The following WWC1 variants were observed in gnomAD, a reference collection of about 807,000 sequenced individuals.
WWC1 encodes the protein protein KIBRA.
WWC1 carries 55 observed loss-of-function variants against 138.4 expected under a neutral mutation model. The ratio of observed to expected loss-of-function variants is 0.40; its 90% CI spans 0.32 to 0.50. The LOEUF is 0.50. WWC1 is among the 20% of genes least tolerant of loss of function. The pLI, the probability that WWC1 is intolerant of heterozygous loss-of-function variation, is 0.72. For synonymous variants in WWC1, 524 were observed against 564.9 expected, an observed-to-expected ratio of 0.93 and a Z score of 1.03; for missense variants, 1,226 against 1,420.4, an observed-to-expected ratio of 0.86 and a Z score of 2.20.
intron 1 of WWC1, among the ~76,000 whole-genome samples, chr5:168,358,847 T>C (rs988253908): frequency 4.6e-5 from 7 of 152,118 alleles, no homozygotes; most frequent in African/African-American, 1.7e-4. Context: ...CTCCTCATCA[T>C]AATCAGTATA....
chr5:168,321,415 T>C (rs1772067873), intron 1 of WWC1, among the ~76,000 whole-genome samples: 1 of 152,140 alleles, frequency 6.6e-6, no homozygotes, highest in Non-Finnish European at 1.5e-5. Context: ...TTTTTCTGCC[T>C]TCATCTGGTT....
At chr5:168,396,222 A>C (rs1778891313) in intron 3 of WWC1, among the ~76,000 whole-genome samples, 1 of 152,204 alleles carries the variant, frequency 6.6e-6, no homozygotes, top group South Asian at 2.1e-4. Context: ...TGTCTCTGCT[A>C]AAAATACAAA....
At chr5:168,302,592 G>A (rs905506555) in intron 1 of WWC1, among the ~76,000 whole-genome samples, 1 of 152,052 alleles carries the variant, frequency 6.6e-6, no homozygotes, top group African/African-American at 2.4e-5. Flanking sequence ...TGGTGAGGTG[G>A]GCTAATTGCT....
rs1037191713 is a variant in WWC1 at position 168,423,934 on chromosome 5, A to T, written c.1676A>T (p.Asp559Val). 6.2e-7 allele frequency: 1 copy of T among 1,613,712 alleles called. No individual in the cohort carries two copies. The highest frequency in any genetic ancestry group is 8.5e-7 in the Non-Finnish European group (1 of 1,179,956). ...PLMADPLLAG[D>V]AFLNSLEFED... The stretch of plus-strand genomic sequence containing the variant: ...ATGGCTGACCCCCTCCTGGCTGGTG[A>T]TGCCTTCCTCAACTCCTTGGAGTTT... Residue 559 changes from aspartate (D) to valine (V), a missense_variant, in exon 11 of 23, where the codon GAT (aspartate) becomes GTT (valine). Around this residue, in one of 3 missense-constraint regions of WWC1, gnomAD observed 1,016 missense variants for 1,153.9 expected, o/e 0.88. Coordinates refer to ENST00000265293, the MANE Select transcript of WWC1 (RefSeq NM_015238.3).
chr5:168,310,837 A>AAAAAAAAAAAAAAC (rs371515656), intron 1 of WWC1, among the ~76,000 whole-genome samples: 73 of 120,262 alleles, frequency 6.1e-4, no homozygotes, highest in African/African-American at 3.9e-4. Context: ...GACCCTGTCT[A>AAAAAAAAAAAAAAC]AAAAAAAAGC....
chr5:168,447,574 C>G (rs897789073), intron 17 of WWC1, among the ~76,000 whole-genome samples: 2 of 152,010 alleles, frequency 1.3e-5, no homozygotes, highest in African/African-American at 2.4e-5. Context: ...AATATAAAAA[C>G]CATTCATGGC....
rs764247080 is a variant in WWC1, at chr5:168,470,827, AAATAAT to A, written c.*1819_*1824del. The A allele has an allele frequency of 6.6e-6, 1 of 152,168 alleles. No individual in the cohort carries two copies. The highest frequency in any genetic ancestry group is 1.5e-5 in the Non-Finnish European group (1 of 68,082). 9.4% of individuals were successfully genotyped at this position (152,168 alleles called of 1,614,324 possible). The stretch of plus-strand genomic sequence containing the variant: ...ACAAGAGCGTAACTCCATCTCAAAA[AAATAAT>A]AATAATAAAAATAAAATGCAGACTG... On this transcript the variant is annotated 3_prime_UTR_variant, in exon 23 of 23. Transcript: ENST00000265293.
At chr5:168,384,721 T>TC (rs1777908906) in intron 2 of WWC1, among the ~76,000 whole-genome samples, 1 of 137,268 alleles carries the variant, frequency 7.3e-6, no homozygotes, top group African/African-American at 2.8e-5. Flanking sequence ...TTCTTTTTTT[T>TC]TTTTTTTTTT....
chr5:168,406,872 G>A (rs918188520), intron 6 of WWC1, among the ~76,000 whole-genome samples: 5 of 152,154 alleles, frequency 3.3e-5, no homozygotes, highest in African/African-American at 1.2e-4. Context: ...AACCCAGGAG[G>A]TGGAGCTTGC....
intron 1 of WWC1, among the ~76,000 whole-genome samples, chr5:168,339,899 C>CTCTCTCTTTCTCTCTCTCTCTCTCTT (rs1179468245): frequency 1.2e-5 from 1 of 82,526 alleles, no homozygotes; most frequent in African/African-American, 4.8e-5. Context: ...CTCTCTGTCT[C>CTCTCTCTTTCTCTCTCTCTCTCTCTT]TCTCTCTTTC....
chr5:168,410,995 C>T (rs901391362), intron 8 of WWC1, among the ~76,000 whole-genome samples: 6 of 133,914 alleles, frequency 4.5e-5, no homozygotes, highest in African/African-American at 1.2e-4. Context: ...AGTGCAGTGG[C>T]GCGATCTGCA....
At chr5:168,461,086 T>G (rs1010428139) in intron 20 of WWC1, among the ~76,000 whole-genome samples, 1 of 152,152 alleles carries the variant, frequency 6.6e-6, no homozygotes, top group African/African-American at 2.4e-5. Context: ...CCCAGCACTC[T>G]GGGAGGCCGA....
intron 1 of WWC1, among the ~76,000 whole-genome samples, chr5:168,328,545 G>T (rs889657958): frequency 2.0e-5 from 3 of 151,998 alleles, no homozygotes; most frequent in African/African-American, 7.2e-5. Context: ...GGTGTGGGGA[G>T]TTTTTTCTTT....
intron 15 of WWC1, among the ~76,000 whole-genome samples, chr5:168,438,561 A>G (rs974348525): frequency 2.0e-5 from 3 of 152,204 alleles, no homozygotes; most frequent in Admixed American, 6.5e-5. Context: ...TATTAGCAGC[A>G]TGAGAACGGA....
intron 3 of WWC1, among the ~76,000 whole-genome samples, chr5:168,391,788 T>TATATATATAC (rs1778530285): frequency 7.1e-6 from 1 of 141,214 alleles, no homozygotes; most frequent in East Asian, 2.1e-4. Flanking sequence ...TATATATATA[T>TATATATATAC]ATATATGATT....
intron 5 of WWC1, among the ~76,000 whole-genome samples, chr5:168,401,877 A>G (rs1292255403): frequency 9.2e-5 from 14 of 152,140 alleles, no homozygotes; most frequent in Admixed American, 5.2e-4. Context: ...GAAAATGCCT[A>G]TTTTTGACCT....
chr5:168,438,259 C>T (rs949807089), intron 15 of WWC1, among the ~76,000 whole-genome samples: 1 of 152,140 alleles, frequency 6.6e-6, no homozygotes, highest in African/African-American at 2.4e-5. Context: ...CCCCCATAAT[C>T]CCCATGTGTT....
At chr5:168,359,694 T>C (rs557076793) in intron 1 of WWC1, among the ~76,000 whole-genome samples, 48 of 152,362 alleles carry the variant, frequency 3.2e-4, no homozygotes, top group Admixed American at 2.2e-3. Flanking sequence ...TTGTTTTTTC[T>C]TTTTTAACTC....
chr5:168,372,969 G>A (rs565566302), intron 2 of WWC1, among the ~76,000 whole-genome samples: 1 of 152,318 alleles, frequency 6.6e-6, no homozygotes, highest in South Asian at 2.1e-4. Context: ...TGAGTGGACT[G>A]TTGTTGGCAC....
Sources: gnomAD v4.1 joint callset for allele counts (sites outside exome capture counted in the v4.1 genomes callset) on GRCh38, gnomAD v4.1.1 for gene constraint, gnomAD v4.1.1 regional missense constraint, MANE v1.5 for transcripts, NCBI Gene and HGNC (gene_info 2026-07-23, HGNC 2026-07-21) for gene names.